The following PACRG variants were observed in gnomAD, a reference collection of about 807,000 sequenced individuals.
The protein encoded by PACRG is parkin coregulated.
PACRG carries 29 observed loss-of-function variants against 29.7 expected under a neutral mutation model. The ratio of observed to expected loss-of-function variants is 0.98; its 90% CI spans 0.73 to 1.33. PACRG has a LOEUF of 1.33. PACRG is among the 40% of genes most tolerant of loss of function. PACRG has a pLI of 0.00. For missense variants in PACRG, 279 were observed against 316.2 expected (o/e 0.88, Z 0.89); for synonymous variants, 116 against 118.7 (o/e 0.98, Z 0.15).
chr6:163,232,618 C>G (rs751269316), intron 4 of PACRG, among the ~76,000 whole-genome samples: 1 of 152,126 alleles, frequency 6.6e-6, no homozygotes, highest in African/African-American at 2.4e-5. Flanking sequence ...CACACTTATA[C>G]TTTGAGGGTG....
At chr6:162,802,252 CAAT>C (rs1331155208) in intron 1 of PACRG, among the ~76,000 whole-genome samples, 1 of 151,972 alleles carries the variant, frequency 6.6e-6, no homozygotes, top group Non-Finnish European at 1.5e-5. Flanking sequence ...ATTAAGTAGT[CAAT>C]ATATTTTTAA....
At chr6:163,217,901 A>G (rs140593273) in intron 4 of PACRG, among the ~76,000 whole-genome samples, 13 of 152,204 alleles carry the variant, frequency 8.5e-5, no homozygotes, top group East Asian at 5.8e-4. Context: ...GGTGAGGTGT[A>G]TAATTATTTC....
At chr6:162,920,016 G>A (rs999545504) in intron 2 of PACRG, among the ~76,000 whole-genome samples, 3 of 152,074 alleles carry the variant, frequency 2.0e-5, no homozygotes, top group Admixed American at 6.6e-5. Context: ...TGGCCAGAGC[G>A]GACTCTTCCA....
intron 1 of PACRG, among the ~76,000 whole-genome samples, chr6:162,760,827 G>GTA (rs908476014): frequency 2.0e-5 from 3 of 152,158 alleles, no homozygotes; most frequent in Admixed American, 2.0e-4. Context: ...TCCGCCCAGA[G>GTA]TATACCATTG....
intron 2 of PACRG, among the ~76,000 whole-genome samples, chr6:162,841,427 G>A (rs1027609349): frequency 3.3e-5 from 5 of 151,876 alleles, no homozygotes; most frequent in Non-Finnish European, 7.4e-5. Context: ...TATTTCTGTG[G>A]GATCGGTGGT....
chr6:162,793,165 T>C (rs560850787), intron 1 of PACRG, among the ~76,000 whole-genome samples: 133 of 152,318 alleles, frequency 8.7e-4, no homozygotes, highest in African/African-American at 3.1e-3. Context: ...ATGCTGTGAG[T>C]ATTCACTCAT....
intron 4 of PACRG, among the ~76,000 whole-genome samples, chr6:163,133,584 C>T (rs115915831): frequency 0.015 from 2,289 of 152,266 alleles, 61 homozygotes; most frequent in African/African-American, 0.051. Context: ...AGACGTATTT[C>T]TCTTTCTGCC....
chr6:163,164,899 G>C (rs1274883961), intron 4 of PACRG, among the ~76,000 whole-genome samples: 17 of 152,180 alleles, frequency 1.1e-4, no homozygotes, highest in Admixed American at 1.1e-3. Context: ...ATTTGGTAAA[G>C]TCATGCATGC....
At chr6:162,913,173 A>G (rs1796432965) in intron 2 of PACRG, among the ~76,000 whole-genome samples, 1 of 152,166 alleles carries the variant, frequency 6.6e-6, no homozygotes, top group Admixed American at 6.5e-5. Context: ...ACAATCTGCT[A>G]AATGTTGGCC....
chr6:163,102,705 C>G (rs777513630), intron 4 of PACRG, among the ~76,000 whole-genome samples: 1 of 141,258 alleles, frequency 7.1e-6, no homozygotes, highest in Non-Finnish European at 1.5e-5. Flanking sequence ...AGCTACCTAC[C>G]AACTAGATTT....
chr6:163,034,408 C>G (rs74817131), intron 2 of PACRG, among the ~76,000 whole-genome samples: 1,666 of 152,270 alleles, frequency 0.011, 22 homozygotes, highest in South Asian at 0.04. Context: ...ATGAGAGGGA[C>G]TTTACCAAGA....
At chr6:162,823,869 A>C (rs1788054206) in intron 2 of PACRG, among the ~76,000 whole-genome samples, 2 of 151,846 alleles carry the variant, frequency 1.3e-5, no homozygotes, top group African/African-American at 4.8e-5. Flanking sequence ...TACTGCCACC[A>C]GTTCAAATTT....
intron 4 of PACRG, among the ~76,000 whole-genome samples, chr6:163,204,577 G>A (rs1780828603): frequency 2.0e-5 from 3 of 152,116 alleles, no homozygotes; most frequent in Non-Finnish European, 4.4e-5. Context: ...CTAGAAACGA[G>A]GAGAGGTAGA....
chr6:162,749,974 C>G (rs923017767), intron 1 of PACRG, among the ~76,000 whole-genome samples: 1 of 152,082 alleles, frequency 6.6e-6, no homozygotes. Flanking sequence ...ATTATGAAAA[C>G]CAAATCCCCA....
chr6:163,044,196 TCTCA>T (rs1397871179), intron 2 of PACRG, among the ~76,000 whole-genome samples: 1 of 141,466 alleles, frequency 7.1e-6, no homozygotes, highest in African/African-American at 2.7e-5. Context: ...TGAGACAGGG[TCTCA>T]CTCTGTCACC....
chr6:162,727,731 G>A (rs752584426), upstream of PACRG: 13 of 1,527,096 alleles, frequency 8.5e-6, no homozygotes, highest in African/African-American at 2.8e-5. Context: ...GGCGCCAGCC[G>A]CGCCTCCCAC....
chr6:162,990,106 T>C (rs1165392745), intron 2 of PACRG, among the ~76,000 whole-genome samples: 12 of 151,376 alleles, frequency 7.9e-5, no homozygotes, highest in African/African-American at 2.7e-4. Flanking sequence ...CCATGGTGTA[T>C]ATGTGCCACA....
rs552113051 is a variant in PACRG, at chr6:163,067,134, C to G, written c.463+4813C>G. ...TTCACCAACCCAAGTGAACAGCCTT[C>G]CTGCTGTAGCACCGCTTCCCAAGCT... On this transcript the variant is annotated intron_variant, in intron 3 of 4. Transcript: ENST00000366888. 1.5e-3 allele frequency among the ~76,000 whole-genome samples: 233 copies of G among 152,250 alleles called. 1 individual carries two copies. Among genetic ancestry groups the G allele is most frequent in the African/African-American group, 5.4e-3 (223 of 41,526 alleles).
chr6:162,807,262 G>A (rs975426332), intron 1 of PACRG, among the ~76,000 whole-genome samples: 1 of 152,166 alleles, frequency 6.6e-6, no homozygotes, highest in African/African-American at 2.4e-5. Context: ...TTATTCATGT[G>A]TTCACTGGGA....
Sources: allele counts gnomAD v4.1 joint callset (sites outside exome capture counted in the v4.1 genomes callset), GRCh38; gene constraint gnomAD v4.1.1; transcripts MANE v1.5; gene names NCBI Gene and HGNC (gene_info 2026-07-23, HGNC 2026-07-21).